Variants in CRIM1 observed in about 807,000 individuals in gnomAD.
CRIM1 encodes the protein cysteine-rich motor neuron 1 protein.
Under a neutral mutation model 116.4 loss-of-function variants are expected in CRIM1, and 32 were observed. That is an observed-to-expected ratio of 0.27 (90% CI 0.21 to 0.37). The LOEUF is 0.37. Among genes scored for constraint, CRIM1 ranks in the 10% least tolerant of loss-of-function variants. The pLI, the probability that CRIM1 is intolerant of heterozygous loss-of-function variation, is 1.00. For missense variants in CRIM1, 1,331 were observed against 1,354.8 expected, an observed-to-expected ratio of 0.98 and a Z score of 0.28; for synonymous variants, 590 against 509.2, an observed-to-expected ratio of 1.16 and a Z score of -2.13.
intron 5 of CRIM1, among the ~76,000 whole-genome samples, chr2:36,473,764 A>G (rs757966764): frequency 1.3e-5 from 2 of 152,082 alleles, no homozygotes; most frequent in Non-Finnish European, 2.9e-5. Flanking sequence ...TTTTGTTTAT[A>G]TATCAGTTAA....
At chr2:36,441,958 A>C (rs1187031765) in intron 3 of CRIM1, among the ~76,000 whole-genome samples, 1 of 152,232 alleles carries the variant, frequency 6.6e-6, no homozygotes, top group African/African-American at 2.4e-5. Context: ...TTCATAATGC[A>C]ACACTCAGCC....
chr2:36,550,386 A>C lies in CRIM1; in HGVS notation c.*1685A>C, dbSNP rs1667685763. On this transcript the variant is annotated 3_prime_UTR_variant, in exon 17 of 17. Transcript: ENST00000280527. ...AACAGCCCTTAGCACTTTTATACTA[A>C]TTAACCCATTTGTGCATTGAGTTTT... is the stretch of plus-strand genomic sequence containing the variant. 6.6e-6 allele frequency: 1 copy of C among 152,564 alleles called. No homozygotes were observed. Among genetic ancestry groups the C allele is most frequent in the Admixed American group, 6.5e-5 (1 of 15,272 alleles). The allele number at this position is 152,564 out of a possible 1,614,324, so 9.5% of individuals were successfully genotyped here.
intron 1 of CRIM1, among the ~76,000 whole-genome samples, chr2:36,389,532 T>C (rs1345094405): frequency 6.6e-6 from 1 of 152,226 alleles, no homozygotes; most frequent in Non-Finnish European, 1.5e-5. Flanking sequence ...TCTGCGTGTG[T>C]ACTGTGAATT....
At chr2:36,394,719 G>A (rs1180253001) in intron 1 of CRIM1, among the ~76,000 whole-genome samples, 3 of 151,812 alleles carry the variant, frequency 2.0e-5, no homozygotes, top group Admixed American at 6.6e-5. Context: ...ATTGTGTGTC[G>A]GTATAAACTT....
chr2:36,548,507 C>T lies in CRIM1; in HGVS notation c.2935-18C>T. 3 of 1,527,058 alleles carry T rather than the reference C, an allele frequency of 2.0e-6. No homozygotes were observed. Among genetic ancestry groups the T allele is most frequent in the South Asian group, 1.3e-5 (1 of 76,958 alleles). The allele number at this position is 1,527,058 out of a possible 1,614,324, so 94.6% of individuals were successfully genotyped here. A position where few individuals can be genotyped will look rare whatever the true frequency, so the allele number is the denominator to read the frequency against. On this transcript the variant is annotated intron_variant, in intron 16 of 16. Transcript: ENST00000280527. The stretch of plus-strand genomic sequence containing the variant: ...GCAACTAATTTTTTGTGGTTTTATT[C>T]CTCCTCTCATTAAATAGCCTTCTTC...
intron 7 of CRIM1, among the ~76,000 whole-genome samples, chr2:36,491,669 A>G (rs750773151): frequency 1.3e-5 from 2 of 152,204 alleles, no homozygotes; most frequent in Non-Finnish European, 2.9e-5. Context: ...TAAACAATGA[A>G]TGAAGTATTG....
chr2:36,379,243 T>C (rs1670547880), intron 1 of CRIM1: 1 of 152,240 alleles, frequency 6.6e-6, no homozygotes, highest in South Asian at 2.1e-4. Flanking sequence ...ACACTGTGGT[T>C]CTTGTGTGGC....
At position 36,442,710 on chromosome 2, in the gene CRIM1, G is replaced by C. The variant is rs1338459175; in HGVS notation, c.844G>C (p.Asp282His). The C allele has an allele frequency of 1.9e-6, 3 of 1,614,078 alleles. No homozygotes were observed. The highest frequency in any genetic ancestry group is 1.7e-6 in the Non-Finnish European group (2 of 1,180,028). Residue 282 changes from aspartate to histidine, a missense_variant, in exon 4 of 17, where the codon GAT becomes CAT. Around this residue, in one of 3 missense-constraint regions of CRIM1, gnomAD observed 690 missense variants for 676.0 expected, o/e 1.02. Coordinates refer to ENST00000280527, the MANE Select transcript of CRIM1 (RefSeq NM_016441.3). The part of the protein sequence containing the change: ...SYETQVRLTA[D>H]GCCTLPTRCE... ...TGAAACTCAAGTCAGACTAACTGCA[G>C]ATGGTTGCTGTACTTTGCCAACAAG...
At chr2:36,373,580 C>T (rs1334723890) in intron 1 of CRIM1, among the ~76,000 whole-genome samples, 6 of 152,114 alleles carry the variant, frequency 3.9e-5, no homozygotes, top group Admixed American at 2.6e-4. Flanking sequence ...GAAAGCAAAC[C>T]GATGGGGCAT....
intron 8 of CRIM1, among the ~76,000 whole-genome samples, chr2:36,508,357 T>C (rs2125103543): frequency 6.6e-6 from 1 of 152,366 alleles, no homozygotes; most frequent in East Asian, 1.9e-4. Context: ...GAAATATTTA[T>C]GTAAAACACG....
chr2:36,468,754 C>A (rs1007800539), intron 5 of CRIM1, among the ~76,000 whole-genome samples: 13 of 152,188 alleles, frequency 8.5e-5, no homozygotes, highest in Non-Finnish European at 1.6e-4. Context: ...TAACACAGTA[C>A]CCCCTGCTGT....
chr2:36,468,263 T>C lies in CRIM1; in HGVS notation c.991+3608T>C, dbSNP rs564399917. ...GTTTTTTTCTTTTTAAAATCAACTTTAAAGTGAAAACATACAATTTTAAAA... is the reference window on the plus strand; with the variant it reads ...GTTTTTTTCTTTTTAAAATCAACTTCAAAGTGAAAACATACAATTTTAAAA... On this transcript the variant is annotated intron_variant, in intron 5 of 16. Coordinates refer to ENST00000280527, the MANE Select transcript of CRIM1 (RefSeq NM_016441.3). Among the ~76,000 whole-genome samples the C allele has an allele frequency of 7.2e-5, 11 of 152,218 alleles. 1 individual carries two copies. The highest frequency in any genetic ancestry group is 1.5e-4 in the Non-Finnish European group (10 of 68,036).
chr2:36,438,262 A>C (rs1321785757), intron 2 of CRIM1, among the ~76,000 whole-genome samples: 1 of 152,246 alleles, frequency 6.6e-6, no homozygotes, highest in Non-Finnish European at 1.5e-5. Flanking sequence ...TGTAAAATAA[A>C]AATGTAATAG....
intron 1 of CRIM1, among the ~76,000 whole-genome samples, chr2:36,392,228 A>G (rs1671671501): frequency 6.6e-6 from 1 of 152,224 alleles, no homozygotes; most frequent in African/African-American, 2.4e-5. Flanking sequence ...ATGAATTTGA[A>G]TATATTTATG....
chr2:36,445,945 A>G (rs897037095), intron 4 of CRIM1, among the ~76,000 whole-genome samples: 5 of 152,224 alleles, frequency 3.3e-5, no homozygotes, highest in African/African-American at 9.6e-5. Flanking sequence ...TATTATGATT[A>G]TTTGACTTTT....
At chr2:36,531,469 G>A (rs1666115940) in intron 13 of CRIM1, among the ~76,000 whole-genome samples, 1 of 151,548 alleles carries the variant, frequency 6.6e-6, no homozygotes, top group Admixed American at 6.6e-5. Context: ...GCAGGGCTGT[G>A]CCACCATCTC....
chr2:36,542,138 C>G (rs1324656845), intron 14 of CRIM1, among the ~76,000 whole-genome samples: 1 of 152,042 alleles, frequency 6.6e-6, no homozygotes, highest in African/African-American at 2.4e-5. Flanking sequence ...GTGGAGTGAG[C>G]TAATACACAG....
intron 4 of CRIM1, among the ~76,000 whole-genome samples, chr2:36,456,190 C>T (rs999748824): frequency 1.2e-4 from 19 of 152,100 alleles, no homozygotes; most frequent in African/African-American, 4.6e-4. Flanking sequence ...ATTGTGTTCT[C>T]ATTTGTGGTT....
At chr2:36,479,289 G>A (rs1189311215) in intron 6 of CRIM1, among the ~76,000 whole-genome samples, 1 of 152,176 alleles carries the variant, frequency 6.6e-6, no homozygotes, top group East Asian at 1.9e-4. Context: ...TGGGACTGCT[G>A]TGTCAGGATG....
Sources: allele counts gnomAD v4.1 joint callset (sites outside exome capture counted in the v4.1 genomes callset), GRCh38; gene constraint gnomAD v4.1.1; regional missense constraint gnomAD v4.1.1; transcripts MANE v1.5; gene names NCBI Gene and HGNC (gene_info 2026-07-23, HGNC 2026-07-21).